SEC16A: variants seen among roughly 807,000 people sequenced by gnomAD.
SEC16A encodes the protein SEC16 homolog A, endoplasmic reticulum export factor.
Under a neutral mutation model 221.9 loss-of-function variants are expected in SEC16A, and 110 were observed. The ratio of observed to expected loss-of-function variants is 0.50; its 90% CI spans 0.42 to 0.58. The LOEUF is 0.58. Ranked by LOEUF, SEC16A falls within the 20% of genes least tolerant of loss-of-function variation. The pLI is 0.00. For missense variants in SEC16A, 3,165 were observed against 3,097.8 expected (o/e 1.02, Z -0.52); for synonymous variants, 1,393 against 1,257.7 (o/e 1.11, Z -2.28).
In SEC16A at chr9:136,446,720, A is replaced by C. The variant is rs1837042115; in HGVS notation, c.6792+135T>G. ...CTACCTTCCGTCTCTACCATACATA[A>C]GTGTGAGGCGTTTAAGGCGGAACAC... On this transcript the variant is annotated intron_variant, in intron 28 of 31. Transcript: ENST00000684901. The C allele has an allele frequency of 1.5e-5, 13 of 842,398 alleles. No homozygotes were observed. The South Asian group carries it at 2.5e-4, about 16-fold the overall frequency. The allele number at this position is 842,398 out of a possible 1,614,324, so 52.2% of individuals were successfully genotyped here.
intron 3 of SEC16A, among the ~76,000 whole-genome samples, 187 bp from the exon 4 acceptor site, chr9:136,472,298 G>A (rs1840985086): frequency 6.6e-6 from 1 of 152,242 alleles, no homozygotes; most frequent in South Asian, 2.1e-4. Context: ...ACTGAGCGTG[G>A]CCCTTCCCTC....
intron 1 of SEC16A, among the ~76,000 whole-genome samples, chr9:136,481,880 T>A (rs186556133): frequency 6.6e-6 from 1 of 152,158 alleles, no homozygotes; most frequent in East Asian, 1.9e-4. Context: ...AGCCTAACAC[T>A]GATGAAAATG....
Position 136,476,601 on chromosome 9 carries a change from G to C in SEC16A, c.1015C>G (p.Arg339Gly). 1 of 1,598,388 alleles carries C rather than the reference G, an allele frequency of 6.3e-7. No individual in the cohort carries two copies. The highest frequency in any genetic ancestry group is 2.2e-5 in the East Asian group (1 of 44,682). Residue 339 changes from arginine to glycine, a missense_variant, in exon 3 of 32, where the codon CGG (arginine) becomes GGG (glycine). Physicochemically the swap from Arg to Gly is moderately radical, Grantham distance 125. This residue lies in a region of SEC16A where 2,030 missense variants were observed against 1,923.1 expected (regional missense o/e 1.06). Coordinates refer to ENST00000684901, the MANE Select transcript of SEC16A (RefSeq NM_014866.2). The stretch of plus-strand genomic sequence containing the variant: ...GTACGGTTTTCTGGGCTATCTCCCC[G>C]GGCGAGGGGGTTCACAAGAGCAGAG... ...PASALVNPLARGDSPENRTHH... is the reference protein window; with the variant it reads ...PASALVNPLAGGDSPENRTHH...
rs1458438682 is a variant in SEC16A, at chr9:136,463,634, C to T, written c.4509-33G>A. On this transcript the variant is annotated intron_variant, in intron 10 of 31. Transcript: ENST00000684901. ...AAGAACACACAGTGAGCAGTGATGT[C>T]TGCAAGGCCGGGCTCACAAAGAAAT... The T allele has an allele frequency of 4.3e-6, 7 of 1,613,682 alleles. No individual in the cohort carries two copies. The Admixed American group carries it at 1.2e-4, about 27-fold the overall frequency.
At chr9:136,484,403 T>C (rs1842752650), upstream of SEC16A, 1 of 1,194,660 alleles carries the variant, frequency 8.4e-7, no homozygotes, top group African/African-American at 1.6e-5. Flanking sequence ...GCCCTCATTT[T>C]TCGGAGGAGC....
At position 136,475,161 on chromosome 9, in the gene SEC16A, G is replaced by A; in HGVS notation, c.2455C>T (p.Pro819Ser). The change falls in exon 3 of 32, where the codon CCC (proline) becomes TCC (serine). Residue 819 changes from proline (P) to serine (S), a missense_variant. Pro to Ser is a moderately conservative substitution (Grantham distance 74, BLOSUM62 -1). This residue lies in a region of SEC16A where 2,030 missense variants were observed against 1,923.1 expected (regional missense o/e 1.06). Transcript: ENST00000684901. This position sits in a 1 kb window ranked among gnomAD's most constrained non-coding sequence, Gnocchi z 5.0. ...SGYASLLSSP[P>S]TESLQNPPVL... is the part of the protein sequence containing the mutation. Reference sequence around the variant, plus strand: ...GGAGGATTCTGCAGAGACTCAGTGGGCGGTGAGGATAATAAACTTGCATAA... The same window carrying A: ...GGAGGATTCTGCAGAGACTCAGTGGACGGTGAGGATAATAAACTTGCATAA... 6.2e-7 allele frequency: 1 copy of A among 1,613,886 alleles called. No individual in the cohort carries two copies. The highest frequency in any genetic ancestry group is 8.5e-7 in the Non-Finnish European group (1 of 1,179,884).
At position 136,466,362 on chromosome 9, in the gene SEC16A, C is replaced by T; in HGVS notation, c.4030G>A (p.Asp1344Asn). ...PHRDPYGEEV[D>N]RRSVHSEHSA... is the part of the protein sequence containing the mutation. ...TGCTCGCTGTGGACGCTGCGCCGGTCCACCTCTTCCCCATAAGGGTCTCTG... is the reference window on the plus strand; with the variant it reads ...TGCTCGCTGTGGACGCTGCGCCGGTTCACCTCTTCCCCATAAGGGTCTCTG... The change falls in exon 7 of 32, where the codon GAC becomes AAC. Residue 1344 changes from aspartate (D) to asparagine (N), a missense_variant. Physicochemically the swap from Asp to Asn is conservative, Grantham distance 23. This residue lies in a region of SEC16A where 2,030 missense variants were observed against 1,923.1 expected (regional missense o/e 1.06). Coordinates refer to ENST00000684901, the MANE Select transcript of SEC16A (RefSeq NM_014866.2). The surrounding 1 kb of genome is among the most constrained non-coding windows in gnomAD (Gnocchi z 5.5). The T allele has an allele frequency of 6.3e-7, 1 of 1,592,478 alleles. No individual in the cohort carries two copies. The highest frequency in any genetic ancestry group is 8.5e-7 in the Non-Finnish European group (1 of 1,169,678).
Position 136,447,533 on chromosome 9 carries a change from C to T in SEC16A, c.6559+36G>A, listed in dbSNP as rs768784971. ...GGCCTCTCTCTCTGGGACAGTTAAT[C>T]GTTCAAGCAAGCTCCCACTCCAAGG... On this transcript the variant is annotated intron_variant, in intron 26 of 31. Transcript: ENST00000684901. This position sits in a 1 kb window ranked among gnomAD's most constrained non-coding sequence, Gnocchi z 5.5. The T allele has an allele frequency of 7.6e-6, 12 of 1,572,238 alleles. No individual in the cohort carries two copies. The highest frequency in any genetic ancestry group is 6.7e-5 in the East Asian group (3 of 44,586).
chr9:136,450,126 C>T (rs1837582599), intron 23 of SEC16A, among the ~76,000 whole-genome samples: 1 of 152,050 alleles, frequency 6.6e-6, no homozygotes, highest in African/African-American at 2.4e-5. Flanking sequence ...ATTGCTTGAA[C>T]CTGGGAGGCG....
Position 136,466,397 on chromosome 9 carries a change from G to A in SEC16A, c.3995C>T (p.Pro1332Leu), listed in dbSNP as rs1174057852. The A allele has an allele frequency of 3.1e-6, 5 of 1,605,144 alleles. No individual in the cohort carries two copies. Among genetic ancestry groups the A allele is most frequent in the Non-Finnish European group, 4.3e-6 (5 of 1,176,134 alleles). ...PRFTGSFDDD[P>L]DPHRDPYGEE... is the part of the protein sequence containing the mutation. ...CCCATAAGGGTCTCTGTGCGGATCG[G>A]GGTCATCGTCAAAACTCCCCGTGAA... The change falls in exon 7 of 32, where the codon CCC becomes CTC. Residue 1332 changes from proline (P) to leucine (L), a missense_variant. Physicochemically the swap from Pro to Leu is moderately conservative, Grantham distance 98. Coordinates refer to ENST00000684901, the MANE Select transcript of SEC16A (RefSeq NM_014866.2). The surrounding 1 kb of genome is among the most constrained non-coding windows in gnomAD (Gnocchi z 5.5).
rs1436515537 is a variant in SEC16A, at chr9:136,476,069, A to G, written c.1547T>C (p.Val516Ala). 2 of 1,613,526 alleles carry G rather than the reference A, an allele frequency of 1.2e-6. No individual in the cohort carries two copies. The highest frequency in any genetic ancestry group is 2.2e-5 in the South Asian group (2 of 91,076). Residue 516 changes from valine (V) to alanine (A), a missense_variant, in exon 3 of 32, where the codon GTG becomes GCG. By Grantham distance (64) the Val-to-Ala change is moderately conservative (BLOSUM62 0). Coordinates refer to ENST00000684901, the MANE Select transcript of SEC16A (RefSeq NM_014866.2). Reference sequence around the variant, plus strand: ...GCTGGATGACACGCTGTCAGGGTGCACTGTATGCAGTGTGGCATCAGGGGC... The same window carrying G: ...GCTGGATGACACGCTGTCAGGGTGCGCTGTATGCAGTGTGGCATCAGGGGC... ...TGAPDATLHTVHPDSVSSSYS... is the reference protein window; with the variant it reads ...TGAPDATLHTAHPDSVSSSYS...
intron 30 of SEC16A, 84 bp from the exon 31 acceptor site, chr9:136,443,984 G>T: frequency 1.1e-6 from 1 of 913,044 alleles, no homozygotes; most frequent in Non-Finnish European, 1.6e-6. Flanking sequence ...CACCGCTTCT[G>T]GGTGGGATTT....
chr9:136,461,288 T>C lies in SEC16A; in HGVS notation c.4894-14A>G. ...CTCCAAAGCATCCTGCAAAAGGCAT[T>C]TCAGGGACCTTGGTGGGTTATCGGC... On this transcript the variant is annotated splice_polypyrimidine_tract_variant and intron_variant, in intron 12 of 31. Transcript: ENST00000684901. 6.3e-7 allele frequency: 1 copy of C among 1,580,234 alleles called. No homozygotes were observed. The highest frequency in any genetic ancestry group is 8.6e-7 in the Non-Finnish European group (1 of 1,160,598).
chr9:136,460,201 GC>G, intron 13 of SEC16A, 78 bp from the exon 14 acceptor site: 1 of 1,198,750 alleles, frequency 8.3e-7, no homozygotes, highest in Admixed American at 2.1e-5. Flanking sequence ...GATGGCTCAC[GC>G]CTGTAATCCC....
rs1463327072 is a variant in SEC16A, at chr9:136,445,116, A to G, written c.6868-5T>C. ...CATTGAACTACAGCGCGAAAGCTAC[A>G]AAACAGCAAGAACACACATAAAACA... On this transcript the variant is annotated splice_region_variant and splice_polypyrimidine_tract_variant and intron_variant, in intron 29 of 31. Coordinates refer to ENST00000684901, the MANE Select transcript of SEC16A (RefSeq NM_014866.2). 3 of 1,602,552 alleles carry G rather than the reference A, an allele frequency of 1.9e-6. No homozygotes were observed. The highest frequency in any genetic ancestry group is 2.6e-6 in the Non-Finnish European group (3 of 1,174,668).
Position 136,443,857 on chromosome 9 carries a change from GC to G in SEC16A, c.6970del (p.Ala2324ProfsTer22). ...CTGAGCAGGGTTGTAGAAGGGCATG[GC>G]CCCGCTGGGAGGGCCCCCTGCAGCA... Reference protein sequence around the residue: ...LPAAGGPPSGAMPFYNPAQLA... With the variant: ...LPAAGGPPSGXMPFYNPAQLA... On this transcript the variant is annotated frameshift_variant, in exon 31 of 32. Coordinates refer to ENST00000684901, the MANE Select transcript of SEC16A (RefSeq NM_014866.2). LOFTEE classifies it low-confidence loss of function (END_TRUNC). 6.2e-7 allele frequency: 1 copy of G among 1,611,602 alleles called. No individual in the cohort carries two copies. The highest frequency in any genetic ancestry group is 1.1e-5 in the South Asian group (1 of 90,676).
intron 23 of SEC16A, 55 bp downstream of exon 23, chr9:136,451,201 G>GCCTCCTGCCCAAACCCTC: frequency 6.4e-7 from 1 of 1,560,370 alleles, no homozygotes; most frequent in East Asian, 2.3e-5. Context: ...TGGGAAGCGT[G>GCCTCCTGCCCAAACCCTC]CCTCCTGCCC....
chr9:136,471,852 A>G (rs1840912301), intron 4 of SEC16A, 123 bp downstream of exon 4: 2 of 1,171,876 alleles, frequency 1.7e-6, no homozygotes, highest in Non-Finnish European at 2.4e-6. Flanking sequence ...CATATGTTAG[A>G]TAAGTTTGTA....
rs1019525843 is a variant in SEC16A at position 136,441,924 on chromosome 9, G to A, written c.7006-101C>T. The A allele has an allele frequency of 1.5e-4, 148 of 1,003,052 alleles. 3 individuals carry two copies. The highest frequency in any genetic ancestry group is 1.0e-3 in the South Asian group (78 of 75,596). 62.1% of individuals were successfully genotyped at this position (1,003,052 alleles called of 1,614,324 possible). On this transcript the variant is annotated intron_variant, in intron 31 of 31. Coordinates refer to ENST00000684901, the MANE Select transcript of SEC16A (RefSeq NM_014866.2). Reference sequence around the variant, plus strand: ...GGCTGGTCCACATAATGAACCACACGGGCCATTGGCGCTGACAAGCTGAAG... The same window carrying A: ...GGCTGGTCCACATAATGAACCACACAGGCCATTGGCGCTGACAAGCTGAAG...
Sources: gnomAD v4.1 joint callset for allele counts (sites outside exome capture counted in the v4.1 genomes callset) on GRCh38, gnomAD v4.1.1 for gene constraint, gnomAD v4.1.1 regional missense constraint, Gnocchi (gnomAD v3.1) non-coding constraint, MANE v1.5 for transcripts, NCBI Gene and HGNC (gene_info 2026-07-23, HGNC 2026-07-21) for gene names.